The following GRID2 variants were observed in gnomAD, a reference collection of about 807,000 sequenced individuals.
The protein encoded by GRID2 is glutamate receptor ionotropic, delta-2.
In GRID2, 33 loss-of-function variants were observed where a neutral mutation model predicts 114.8. The observed-to-expected ratio is 0.29, with a 90% CI of 0.22 to 0.38. The LOEUF (loss-of-function observed/expected upper bound fraction) is 0.38. Ranked by LOEUF, GRID2 falls within the 10% of genes least tolerant of loss-of-function variation. The pLI, the probability that GRID2 is intolerant of heterozygous loss-of-function variation, is 1.00. For synonymous variants in GRID2, 505 were observed against 449.9 expected, an observed-to-expected ratio of 1.12 and a Z score of -1.55; for missense variants, 1,184 against 1,257.7, an observed-to-expected ratio of 0.94 and a Z score of 0.89.
rs542465122 is a variant in GRID2 at position 93,224,649 on chromosome 4, G to T, written c.999G>T (p.Leu333=). The T allele has an allele frequency of 6.2e-7, 1 of 1,611,132 alleles. No individual in the cohort carries two copies. The highest frequency in any genetic ancestry group is 2.2e-5 in the East Asian group (1 of 44,806). The change falls in exon 7 of 16, where the codon CTG becomes CTT. Residue 333 remains leucine, a synonymous_variant. Coordinates refer to ENST00000282020, the MANE Select transcript of GRID2 (RefSeq NM_001510.4). ...SNLYIYDTVL[L]LANAFHKKLE... ...TTTACATATATGACACGGTGCTTCT[G>T]CTTGCTAATGCTTTTCATAAGAAGC... is the stretch of plus-strand genomic sequence containing the variant.
Position 93,345,050 on chromosome 4 carries a change from T to C in GRID2, c.1246-50557T>C, listed in dbSNP as rs1760079041. The stretch of plus-strand genomic sequence containing the variant: ...CTCACATTTTCTTCATTCAATCATC[T>C]GTCAATGAACACTTAGGTTGGCTGA... On this transcript the variant is annotated intron_variant, in intron 8 of 15. Transcript: ENST00000282020. Among the ~76,000 whole-genome samples the C allele has an allele frequency of 2.0e-5, 3 of 151,652 alleles. No individual in the cohort carries two copies. The South Asian group carries it at 6.3e-4, about 32-fold the overall frequency.
At chr4:92,460,032 C>CTCTCTCTCTCTCTATATA (rs749790235) in intron 1 of GRID2, among the ~76,000 whole-genome samples, 1 of 48,442 alleles carries the variant, frequency 2.1e-5, no homozygotes, top group African/African-American at 1.0e-4. Flanking sequence ...ATAAATCTCA[C>CTCTCTCTCTCTCTATATA]TATATATATA....
At chr4:93,294,233 T>A (rs1049407443) in intron 8 of GRID2, among the ~76,000 whole-genome samples, 1 of 152,128 alleles carries the variant, frequency 6.6e-6, no homozygotes, top group African/African-American at 2.4e-5. Context: ...TGAGTGTGGT[T>A]GTGTCTCAGG....
At chr4:93,404,196 C>T (rs1766186145) in intron 9 of GRID2, among the ~76,000 whole-genome samples, 1 of 151,902 alleles carries the variant, frequency 6.6e-6, no homozygotes, top group Non-Finnish European at 1.5e-5. Context: ...CTCACAGGGG[C>T]AAAAAGTAAT....
At position 93,131,302 on chromosome 4, in the gene GRID2, C is replaced by T. The variant is rs111402878; in HGVS notation, c.735+20349C>T. On this transcript the variant is annotated intron_variant, in intron 4 of 15. Coordinates refer to ENST00000282020, the MANE Select transcript of GRID2 (RefSeq NM_001510.4). ...CTGAGTTGCTGGGACTACAGGCACTCGCTTCCATGCCCAGCTAATTTTTGT... is the reference window on the plus strand; with the variant it reads ...CTGAGTTGCTGGGACTACAGGCACTTGCTTCCATGCCCAGCTAATTTTTGT... Among the ~76,000 whole-genome samples the T allele has an allele frequency of 7.3e-3, 1,107 of 151,286 alleles. 18 individuals are homozygous for T. The highest frequency in any genetic ancestry group is 0.025 in the African/African-American group (1,048 of 41,182).
At chr4:92,845,528 AC>A (rs990554780) in intron 2 of GRID2, among the ~76,000 whole-genome samples, 7 of 152,046 alleles carry the variant, frequency 4.6e-5, no homozygotes, top group Non-Finnish European at 4.4e-5. Flanking sequence ...GGGGTACCTG[AC>A]CAAAAATAAA....
intron 14 of GRID2, among the ~76,000 whole-genome samples, chr4:93,674,558 A>G (rs1210062937): frequency 6.6e-6 from 1 of 151,670 alleles, no homozygotes; most frequent in African/African-American, 2.4e-5. Flanking sequence ...TAACTCTCCC[A>G]TTATGAATAA....
In GRID2 at chr4:93,053,822, T is replaced by C. The variant is rs545038211; in HGVS notation, c.245-31173T>C. 3.3e-5 allele frequency among the ~76,000 whole-genome samples: 5 copies of C among 152,054 alleles called. No homozygotes were observed. In the South Asian group the frequency reaches 1.0e-3, roughly 32 times the overall value. On this transcript the variant is annotated intron_variant, in intron 2 of 15. Coordinates refer to ENST00000282020, the MANE Select transcript of GRID2 (RefSeq NM_001510.4). Reference sequence around the variant, plus strand: ...TAATACTGGGAAAGGAGCAAAGTCATGGATGCTTACACAACAAACACATGG... The same window carrying C: ...TAATACTGGGAAAGGAGCAAAGTCACGGATGCTTACACAACAAACACATGG...
intron 1 of GRID2, among the ~76,000 whole-genome samples, chr4:92,415,924 C>G (rs192377352): frequency 2.0e-5 from 3 of 151,320 alleles, no homozygotes; most frequent in Non-Finnish European, 4.4e-5. Flanking sequence ...GATACTCAGT[C>G]GTGGGCTTGC....
intron 2 of GRID2, among the ~76,000 whole-genome samples, chr4:92,840,606 A>G (rs1021882220): frequency 3.9e-5 from 6 of 152,220 alleles, no homozygotes; most frequent in African/African-American, 1.4e-4. Flanking sequence ...AAGAAATTCT[A>G]CGTGAAAATG....
At chr4:92,619,893 T>C (rs1329771397) in intron 2 of GRID2, among the ~76,000 whole-genome samples, 1 of 150,798 alleles carries the variant, frequency 6.6e-6, no homozygotes, top group East Asian at 2.0e-4. Flanking sequence ...AAGTTACACA[T>C]GCCTTTTTTT....
intron 2 of GRID2, among the ~76,000 whole-genome samples, chr4:92,796,556 G>A (rs1739885662): frequency 6.6e-6 from 1 of 151,828 alleles, no homozygotes. Context: ...ACTGGAGCTT[G>A]CTTCTCTTCC....
At chr4:92,366,684 ATAAAAGACC>A (rs764086619) in intron 1 of GRID2, among the ~76,000 whole-genome samples, 26 of 152,218 alleles carry the variant, frequency 1.7e-4, no homozygotes, top group Admixed American at 9.8e-4. Context: ...TCAGAAATGG[ATAAAAGACC>A]TAAAGGTAAG....
At chr4:92,556,660 G>T (rs972403798) in intron 1 of GRID2, among the ~76,000 whole-genome samples, 1 of 152,022 alleles carries the variant, frequency 6.6e-6, no homozygotes, top group South Asian at 2.1e-4. Flanking sequence ...TCATCTGAAG[G>T]CTCACGTGAG....
intron 1 of GRID2, among the ~76,000 whole-genome samples, chr4:92,434,197 T>C (rs553508435): frequency 6.6e-6 from 1 of 152,314 alleles, no homozygotes; most frequent in African/African-American, 2.4e-5. Context: ...GCAACATCCT[T>C]TCAGGCGATT....
At position 92,829,284 on chromosome 4, in the gene GRID2, A is replaced by G. The variant is rs541420193; in HGVS notation, c.244+238998A>G. Among the ~76,000 whole-genome samples, 114 of 152,202 alleles carry G rather than the reference A, an allele frequency of 7.5e-4. 1 individual carries two copies. The highest frequency in any genetic ancestry group is 1.2e-3 in the Admixed American group (19 of 15,264). On this transcript the variant is annotated intron_variant, in intron 2 of 15. Transcript: ENST00000282020. ...TTATTAAATAGGGAATCCTTTCGTC[A>G]TTGCTTGTTTTTGTCAGAAGACATT...
intron 2 of GRID2, among the ~76,000 whole-genome samples, chr4:92,738,059 C>T (rs1736688153): frequency 6.6e-6 from 1 of 152,100 alleles, no homozygotes; most frequent in African/African-American, 2.4e-5. Context: ...ACATATTGCA[C>T]ATTTTTCACA....
At chr4:93,378,195 A>G (rs1029428364) in intron 8 of GRID2, among the ~76,000 whole-genome samples, 1 of 152,104 alleles carries the variant, frequency 6.6e-6, no homozygotes, top group African/African-American at 2.4e-5. Flanking sequence ...ATAATTTAAT[A>G]TGTTTAAATT....
chr4:93,608,164 G>A lies in GRID2; in HGVS notation c.2194-18105G>A, dbSNP rs193027845. On this transcript the variant is annotated intron_variant, in intron 13 of 15. Coordinates refer to ENST00000282020, the MANE Select transcript of GRID2 (RefSeq NM_001510.4). ...TATGTGTATACATATATACACATATGTATTCTGGATTTAATAAGTTGGTTA... is the reference window on the plus strand; with the variant it reads ...TATGTGTATACATATATACACATATATATTCTGGATTTAATAAGTTGGTTA... Among the ~76,000 whole-genome samples, 463 of 149,266 alleles carry A rather than the reference G, an allele frequency of 3.1e-3. 4 individuals are homozygous for A. Among genetic ancestry groups the A allele is most frequent in the African/African-American group, 0.01 (418 of 40,850 alleles).
Sources: allele counts gnomAD v4.1 joint callset (sites outside exome capture counted in the v4.1 genomes callset), GRCh38; gene constraint gnomAD v4.1.1; transcripts MANE v1.5; gene names NCBI Gene and HGNC (gene_info 2026-07-23, HGNC 2026-07-21).